The following RBM23 variants were observed in gnomAD, a reference collection of about 807,000 sequenced individuals.
The protein encoded by RBM23 is RNA binding motif protein 23.
In RBM23, 53 loss-of-function variants were observed where a neutral mutation model predicts 56.2. The observed-to-expected ratio is 0.94, with a 90% CI of 0.76 to 1.19. The LOEUF (loss-of-function observed/expected upper bound fraction) is 1.19, where lower values mean the gene tolerates loss of function less well. Among genes scored for constraint, RBM23 ranks in the 50% most tolerant of loss-of-function variants. The pLI, the probability that RBM23 is intolerant of heterozygous loss-of-function variation, is 0.00. For missense variants in RBM23, 642 were observed against 590.3 expected, an observed-to-expected ratio of 1.09 and a Z score of -0.91; for synonymous variants, 197 against 198.5, an observed-to-expected ratio of 0.99 and a Z score of 0.06.
In RBM23 at chr14:22,894,611, C is replaced by G. The variant is rs1409065508; in HGVS notation, c.*7119G>C. 2.6e-5 allele frequency: 4 copies of G among 152,052 alleles called. No homozygotes were observed. The highest frequency in any genetic ancestry group is 5.9e-5 in the Non-Finnish European group (4 of 68,044). The allele number at this position is 152,052 out of a possible 1,614,324, so 9.4% of individuals were successfully genotyped here. On this transcript the variant is annotated 3_prime_UTR_variant, in exon 14 of 14. Transcript: ENST00000359890. Reference sequence around the variant, plus strand: ...GTGGGTGCCTGTAATTCCAGCTACTCGGGAGGCTGAGGTGGGAGAATCACT... The same window carrying G: ...GTGGGTGCCTGTAATTCCAGCTACTGGGGAGGCTGAGGTGGGAGAATCACT...
At position 22,900,781 on chromosome 14, in the gene RBM23, T is replaced by TTATATATATA. The variant is rs112725825; in HGVS notation, c.*948_*949insTATATATATA. On this transcript the variant is annotated 3_prime_UTR_variant, in exon 14 of 14. Transcript: ENST00000359890. ...GAGGCTTGCCTTTTGTACAAAGTTTTTATGTATATATATATGTATATATAT... is the reference window on the plus strand; with the variant it reads ...GAGGCTTGCCTTTTGTACAAAGTTTTTATATATATATATGTATATATATATGTATATATAT... 1.5e-3 allele frequency: 231 copies of TTATATATATA among 151,166 alleles called. No individual in the cohort carries two copies. The highest frequency in any genetic ancestry group is 5.3e-3 in the African/African-American group (216 of 41,014). 9.4% of individuals were successfully genotyped at this position (151,166 alleles called of 1,614,324 possible).
Position 22,902,273 on chromosome 14 carries a change from G to C in RBM23, c.1040C>G (p.Thr347Arg), listed in dbSNP as rs779795050. ...GHVTERLDGGTDITFPDGDQE... is the reference protein window; with the variant it reads ...GHVTERLDGGRDITFPDGDQE... ...GTCCCCATCAGGAAAAGTGATGTCT[G>C]TGCCACCATCCAGTCGCTCAGTCAC... The change falls in exon 11 of 14, where the codon ACA becomes AGA. Residue 347 changes from threonine to arginine, a missense_variant. By Grantham distance (71) the Thr-to-Arg change is moderately conservative. Transcript: ENST00000359890. The C allele has an allele frequency of 6.2e-7, 1 of 1,614,044 alleles. No homozygotes were observed. Among genetic ancestry groups the C allele is most frequent in the Non-Finnish European group, 8.5e-7 (1 of 1,180,046 alleles).
At chr14:22,918,733 G>C (rs561241778) in intron 1 of RBM23, among the ~76,000 whole-genome samples, 1 of 152,118 alleles carries the variant, frequency 6.6e-6, no homozygotes, top group Non-Finnish European at 1.5e-5. Flanking sequence ...GACCCGGAAA[G>C]AAAAATCACA....
At chr14:22,902,542 A>C in intron 10 of RBM23, 160 bp from the exon 11 acceptor site, 3 of 1,348,266 alleles carry the variant, frequency 2.2e-6, no homozygotes, top group South Asian at 2.3e-5. Context: ...ATCACCTCAA[A>C]ATGGTTCTCT....
intron 1 of RBM23, chr14:22,911,944 A>C (rs1001613175): frequency 2.0e-5 from 3 of 152,482 alleles, no homozygotes; most frequent in African/African-American, 7.2e-5. Context: ...AACACAAAAA[A>C]CAATACATAA....
rs1266826249 is a variant in RBM23 at position 22,896,233 on chromosome 14, T to A, written c.*5497A>T. ...TCACAACATCCCTATGAGATAGGTGTTATCATTTCCTTTTTACAGATGAAG... is the reference window on the plus strand; with the variant it reads ...TCACAACATCCCTATGAGATAGGTGATATCATTTCCTTTTTACAGATGAAG... On this transcript the variant is annotated 3_prime_UTR_variant, in exon 14 of 14. Transcript: ENST00000359890. The A allele has an allele frequency of 6.6e-6, 1 of 152,168 alleles. No individual in the cohort carries two copies. Among genetic ancestry groups the A allele is most frequent in the African/African-American group, 2.4e-5 (1 of 41,448 alleles). The allele number at this position is 152,168 out of a possible 1,614,324, so 9.4% of individuals were successfully genotyped here. A position where few individuals can be genotyped will look rare whatever the true frequency, so the allele number is the denominator to read the frequency against.
chr14:22,903,948 C>A (rs944212296), intron 10 of RBM23: 3 of 1,300,172 alleles, frequency 2.3e-6, no homozygotes, highest in South Asian at 1.6e-5. Flanking sequence ...CCATACCTAA[C>A]CTCCCTCACA....
chr14:22,902,247 G>A lies in RBM23; in HGVS notation c.1066C>T (p.Gln356Ter). Residue 356 changes from glutamine to a stop codon, truncating the protein, a stop_gained, in exon 11 of 14, where the codon CAG (glutamine) becomes TAG (stop). Transcript: ENST00000359890. LOFTEE classifies it high-confidence loss of function. The part of the protein sequence containing the change: ...GTDITFPDGD[Q>*]ELDLGSAGGR... ...CCTGCTGATCCCAGATCCAGCTCCT[G>A]GTCCCCATCAGGAAAAGTGATGTCT... 1.2e-6 allele frequency: 2 copies of A among 1,614,180 alleles called. No homozygotes were observed. Among genetic ancestry groups the A allele is most frequent in the African/African-American group, 1.3e-5 (1 of 75,034 alleles).
In RBM23 at chr14:22,909,497, G is replaced by T; in HGVS notation, c.165C>A (p.Ile55=). 6.2e-7 allele frequency: 1 copy of T among 1,612,888 alleles called. No homozygotes were observed. The highest frequency in any genetic ancestry group is 1.1e-5 in the South Asian group (1 of 91,024). ...CCCACACTCACTTGCTTGTCTCCCCGATGGTGCTGCTTCCACTGGTCTCAT... is the reference window on the plus strand; with the variant it reads ...CCCACACTCACTTGCTTGTCTCCCCTATGGTGCTGCTTCCACTGGTCTCAT... ...SGNETSGSST[I]GETSKKKRSR... The change falls in exon 3 of 14, where the codon ATC becomes ATA. Residue 55 remains isoleucine (I), a synonymous_variant. Coordinates refer to ENST00000359890, the MANE Select transcript of RBM23 (RefSeq NM_001077351.2).
rs1566563382 is a variant in RBM23, at chr14:22,907,895, T to C, written c.227+438A>G. Among the ~76,000 whole-genome samples the C allele has an allele frequency of 1.3e-5, 2 of 152,106 alleles. 1 individual carries two copies. Among genetic ancestry groups the C allele is most frequent in the South Asian group, 4.1e-4 (2 of 4,836 alleles). On this transcript the variant is annotated intron_variant, in intron 4 of 13. Transcript: ENST00000359890. ...TCGTAGTTTTCAACAATAACAATAA[T>C]GTTTAAAAAGTAAAAGACAAAAAAA...
rs1221896566 is a variant in RBM23, at chr14:22,909,524, G to GC, written c.137dup (p.Asn47GlnfsTer2). The GC allele has an allele frequency of 1.9e-6, 3 of 1,613,270 alleles. No individual in the cohort carries two copies. Among genetic ancestry groups the GC allele is most frequent in the Admixed American group, 1.7e-5 (1 of 59,986 alleles). ...TGGTGCTGCTTCCACTGGTCTCATT[G>GC]CCACTGTTGCTGGTGCTGCTGGTGG... is the stretch of plus-strand genomic sequence containing the variant. On this transcript the variant is annotated frameshift_variant, in exon 3 of 14. Coordinates refer to ENST00000359890, the MANE Select transcript of RBM23 (RefSeq NM_001077351.2). LOFTEE classifies it high-confidence loss of function.
chr14:22,901,854 G>A lies in RBM23; in HGVS notation c.1276C>T (p.Gln426Ter), dbSNP rs771283234. ...AAGAGGCTGGAGAGCTGGAAACACT[G>A]GGAGGCAAGGTTCAGGGCTGGACTC... is the stretch of plus-strand genomic sequence containing the variant. Reference protein sequence around the residue: ...ALSPALNLASQCFQLSSLFTP... With the variant: ...ALSPALNLAS The change falls in exon 13 of 14, where the codon CAG becomes TAG. Residue 426 changes from glutamine (Q) to a stop codon, truncating the protein, a stop_gained. Coordinates refer to ENST00000359890, the MANE Select transcript of RBM23 (RefSeq NM_001077351.2). LOFTEE classifies it high-confidence loss of function. 20 of 1,614,060 alleles carry A rather than the reference G, an allele frequency of 1.2e-5. No homozygotes were observed. The highest frequency in any genetic ancestry group is 1.7e-5 in the Non-Finnish European group (20 of 1,180,026).
rs1028410946 is a variant in RBM23 at position 22,898,581 on chromosome 14, C to T, written c.*3149G>A. On this transcript the variant is annotated 3_prime_UTR_variant, in exon 14 of 14. Transcript: ENST00000359890. ...GCAACTGTCACTCACTAGATACCATCACCTTATATGGAGTAAGACTGGAAA... is the reference window on the plus strand; with the variant it reads ...GCAACTGTCACTCACTAGATACCATTACCTTATATGGAGTAAGACTGGAAA... 1 of 152,088 alleles carries T rather than the reference C, an allele frequency of 6.6e-6. No homozygotes were observed. The highest frequency in any genetic ancestry group is 2.4e-5 in the African/African-American group (1 of 41,396). The allele number at this position is 152,088 out of a possible 1,614,324, so 9.4% of individuals were successfully genotyped here.
rs1217289211 is a variant in RBM23, at chr14:22,893,837, T to G, written c.*7893A>C. ...CCTGATGGATATGCTTAAGGTCCCT[T>G]TTCATCTATTTGAATATTGATGTCA... On this transcript the variant is annotated 3_prime_UTR_variant, in exon 14 of 14. Coordinates refer to ENST00000359890, the MANE Select transcript of RBM23 (RefSeq NM_001077351.2). The G allele has an allele frequency of 6.6e-6, 1 of 152,164 alleles. No individual in the cohort carries two copies. The highest frequency in any genetic ancestry group is 1.5e-5 in the Non-Finnish European group (1 of 68,030). 9.4% of individuals were successfully genotyped at this position (152,164 alleles called of 1,614,324 possible). A position where few individuals can be genotyped will look rare whatever the true frequency, so the allele number is the denominator to read the frequency against.
At chr14:22,917,991 T>C (rs1248325143) in intron 1 of RBM23, among the ~76,000 whole-genome samples, 3 of 152,162 alleles carry the variant, frequency 2.0e-5, no homozygotes, top group Admixed American at 6.6e-5. Flanking sequence ...TCTGATCACT[T>C]AGCTGGGCAC....
chr14:22,901,404 T>G lies in RBM23; in HGVS notation c.*326A>C. ...TCAGTATGCCCTATGGCCTTCCCAATGGGGGAGAAATTGAGGAATCACTAA... is the reference window on the plus strand; with the variant it reads ...TCAGTATGCCCTATGGCCTTCCCAAGGGGGGAGAAATTGAGGAATCACTAA... On this transcript the variant is annotated 3_prime_UTR_variant, in exon 14 of 14. Coordinates refer to ENST00000359890, the MANE Select transcript of RBM23 (RefSeq NM_001077351.2). 1.1e-5 allele frequency: 5 copies of G among 469,856 alleles called. No homozygotes were observed. The highest frequency in any genetic ancestry group is 1.9e-5 in the African/African-American group (1 of 51,558). The allele number at this position is 469,856 out of a possible 1,614,324, so 29.1% of individuals were successfully genotyped here.
rs747563537 is a variant in RBM23, at chr14:22,901,718, T to G, written c.*12A>C. The G allele has an allele frequency of 1.9e-6, 3 of 1,612,634 alleles. No individual in the cohort carries two copies. Among genetic ancestry groups the G allele is most frequent in the East Asian group, 4.5e-5 (2 of 44,874 alleles). ...CCAGAGGCACAAGGAGGCAGTATAC[T>G]GTGCCACTGATTTACCTGTGGAAAG... On this transcript the variant is annotated 3_prime_UTR_variant, in exon 14 of 14. Coordinates refer to ENST00000359890, the MANE Select transcript of RBM23 (RefSeq NM_001077351.2).
Position 22,898,122 on chromosome 14 carries a change from A to C in RBM23, c.*3608T>G, listed in dbSNP as rs1380943629. 1 of 152,164 alleles carries C rather than the reference A, an allele frequency of 6.6e-6. No homozygotes were observed. Among genetic ancestry groups the C allele is most frequent in the Non-Finnish European group, 1.5e-5 (1 of 68,030 alleles). The allele number at this position is 152,164 out of a possible 1,614,324, so 9.4% of individuals were successfully genotyped here. A position where few individuals can be genotyped will look rare whatever the true frequency, so the allele number is the denominator to read the frequency against. ...ATTCCATCCTTCAGGTTTTTACTCA[A>C]TTCCCTTCATGATATGCTCCAGGAC... On this transcript the variant is annotated 3_prime_UTR_variant, in exon 14 of 14. Transcript: ENST00000359890.
chr14:22,900,539 G>A lies in RBM23; in HGVS notation c.*1191C>T, dbSNP rs2040362397. On this transcript the variant is annotated 3_prime_UTR_variant, in exon 14 of 14. Transcript: ENST00000359890. ...GATAGTTAGGATGAAGATAGATGGAGAAGACAACCATAGATCAACAGTGTA... is the reference window on the plus strand; with the variant it reads ...GATAGTTAGGATGAAGATAGATGGAAAAGACAACCATAGATCAACAGTGTA... 1 of 152,162 alleles carries A rather than the reference G, an allele frequency of 6.6e-6. No homozygotes were observed. Among genetic ancestry groups the A allele is most frequent in the African/African-American group, 2.4e-5 (1 of 41,416 alleles). The allele number at this position is 152,162 out of a possible 1,614,324, so 9.4% of individuals were successfully genotyped here. A position where few individuals can be genotyped will look rare whatever the true frequency, so the allele number is the denominator to read the frequency against.
Sources: gnomAD v4.1 joint callset for allele counts (sites outside exome capture counted in the v4.1 genomes callset) on GRCh38, gnomAD v4.1.1 for gene constraint, MANE v1.5 for transcripts, NCBI Gene and HGNC (gene_info 2026-07-23, HGNC 2026-07-21) for gene names.